The following CSMD1 variants were observed in gnomAD, a reference collection of about 807,000 sequenced individuals.
CSMD1 encodes the protein CUB and Sushi multiple domains 1, also known as CUB and sushi domain-containing protein 1.
CSMD1 carries 213 observed loss-of-function variants against 417.5 expected under a neutral mutation model. The observed-to-expected ratio is 0.51, with a 90% CI of 0.46 to 0.57. The LOEUF (loss-of-function observed/expected upper bound fraction) is 0.57, where lower values mean the gene tolerates loss of function less well. CSMD1 is among the 20% of genes least tolerant of loss of function. The pLI is 0.00. For synonymous variants in CSMD1, 2,862 were observed against 1,736.8 expected, an observed-to-expected ratio of 1.65 and a Z score of -16.11; for missense variants, 6,923 against 4,529.7, an observed-to-expected ratio of 1.53 and a Z score of -15.17.
At chr8:3,781,740 C>T (rs539579689) in intron 5 of CSMD1, among the ~76,000 whole-genome samples, 1 of 152,122 alleles carries the variant, frequency 6.6e-6, no homozygotes, top group South Asian at 2.1e-4. Context: ...AATATTGCCC[C>T]TGACAATCTG....
chr8:4,351,666 G>T (rs964893451), intron 3 of CSMD1, among the ~76,000 whole-genome samples: 5 of 152,178 alleles, frequency 3.3e-5, no homozygotes, highest in Admixed American at 6.6e-5. Flanking sequence ...TCCCAGGCAA[G>T]ATGTCTTCCA....
At chr8:4,385,832 T>C (rs978731990) in intron 3 of CSMD1, among the ~76,000 whole-genome samples, 10 of 152,202 alleles carry the variant, frequency 6.6e-5, no homozygotes, top group African/African-American at 2.2e-4. Flanking sequence ...TTTGTGTTTC[T>C]GGGAAACTGT....
chr8:4,126,511 G>A (rs1034132501), intron 3 of CSMD1, among the ~76,000 whole-genome samples: 1 of 152,172 alleles, frequency 6.6e-6, no homozygotes, highest in Non-Finnish European at 1.5e-5. Context: ...GAAGCAGGAG[G>A]TCTCCCACTG....
chr8:4,579,009 T>A (rs993537214), intron 2 of CSMD1, among the ~76,000 whole-genome samples: 2 of 151,920 alleles, frequency 1.3e-5, no homozygotes, highest in African/African-American at 4.8e-5. Context: ...AAATTGTACA[T>A]AAATGTTTAT....
chr8:3,695,333 T>G (rs1250899026), intron 7 of CSMD1, among the ~76,000 whole-genome samples: 1 of 151,778 alleles, frequency 6.6e-6, no homozygotes, highest in Non-Finnish European at 1.5e-5. Flanking sequence ...ACACTTAATT[T>G]CCTGTAAGAA....
chr8:3,567,834 T>C (rs563192887), intron 10 of CSMD1, among the ~76,000 whole-genome samples: 2 of 152,296 alleles, frequency 1.3e-5, no homozygotes, highest in South Asian at 4.1e-4. Flanking sequence ...TTTGCTGTAT[T>C]AAATGATTCT....
chr8:4,029,828 G>C (rs1464475133), intron 4 of CSMD1, among the ~76,000 whole-genome samples: 3 of 152,156 alleles, frequency 2.0e-5, no homozygotes, highest in South Asian at 2.1e-4. Context: ...ATACAAGCTA[G>C]TTACTTCCTA....
chr8:3,315,504 T>A (rs189615044), intron 23 of CSMD1, among the ~76,000 whole-genome samples: 204 of 151,996 alleles, frequency 1.3e-3, no homozygotes, highest in African/African-American at 4.4e-3. Context: ...TTTTTTAAGC[T>A]ACAGATGCTA....
intron 3 of CSMD1, among the ~76,000 whole-genome samples, chr8:4,280,846 C>A (rs1225058006): frequency 6.6e-6 from 1 of 152,136 alleles, no homozygotes; most frequent in Admixed American, 6.6e-5. Flanking sequence ...ATCTTCATTT[C>A]TTCTACTTCC....
In CSMD1 at chr8:4,329,821, TTA is replaced by T. The variant is rs199748167; in HGVS notation, c.415+90130_415+90131del. ...CCAAGTTCTCATGAGATGTGGTCAA[TTA>T]AAAAAGTGTGTGGCACCACCCTGCT... On this transcript the variant is annotated intron_variant, in intron 3 of 69. Coordinates refer to ENST00000635120, the MANE Select transcript of CSMD1 (RefSeq NM_033225.6). Among the ~76,000 whole-genome samples, 566 of 150,460 alleles carry T rather than the reference TTA, an allele frequency of 3.8e-3. 2 individuals carry two copies. Among genetic ancestry groups the T allele is most frequent in the Middle Eastern group, 0.021 (6 of 290 alleles).
intron 7 of CSMD1, among the ~76,000 whole-genome samples, chr8:3,701,553 G>A (rs1800870838): frequency 6.6e-6 from 1 of 151,640 alleles, no homozygotes; most frequent in Non-Finnish European, 1.5e-5. Flanking sequence ...ATTAAGAGAA[G>A]ATTACCCACT....
intron 3 of CSMD1, among the ~76,000 whole-genome samples, chr8:4,040,412 C>G (rs1163474627): frequency 1.3e-5 from 2 of 152,228 alleles, no homozygotes; most frequent in Non-Finnish European, 2.9e-5. Flanking sequence ...CAAGTAATTT[C>G]CAGGACAGGT....
intron 1 of CSMD1, among the ~76,000 whole-genome samples, chr8:4,948,949 AC>A (rs1299304856): frequency 9.9e-5 from 15 of 152,178 alleles, no homozygotes; most frequent in African/African-American, 3.6e-4. Flanking sequence ...TTTTAGATGT[AC>A]TTTATATAGC....
chr8:3,431,127 G>A (rs1814193861), intron 12 of CSMD1, among the ~76,000 whole-genome samples: 2 of 152,076 alleles, frequency 1.3e-5, no homozygotes, highest in African/African-American at 4.8e-5. Flanking sequence ...AATGAATATG[G>A]TTAAAACACC....
chr8:4,668,336 TA>T (rs998976340), intron 1 of CSMD1, among the ~76,000 whole-genome samples: 3 of 151,788 alleles, frequency 2.0e-5, no homozygotes, highest in African/African-American at 7.2e-5. Flanking sequence ...CTGTCATTGG[TA>T]GGGGTTCTTG....
At chr8:3,435,614 T>G (rs1042792299) in intron 12 of CSMD1, among the ~76,000 whole-genome samples, 3 of 152,140 alleles carry the variant, frequency 2.0e-5, no homozygotes, top group Non-Finnish European at 2.9e-5. Flanking sequence ...CCTAGCGACC[T>G]TGATGACTAT....
intron 3 of CSMD1, among the ~76,000 whole-genome samples, chr8:4,245,969 C>A (rs184348840): frequency 1.5e-3 from 222 of 152,162 alleles, no homozygotes; most frequent in African/African-American, 5.2e-3. Context: ...TCTATCAGGG[C>A]CGTGGACAGG....
chr8:3,219,751 A>G (rs1352718991), intron 28 of CSMD1, among the ~76,000 whole-genome samples: 1 of 152,158 alleles, frequency 6.6e-6, no homozygotes, highest in East Asian at 1.9e-4. Context: ...GTACTCATTA[A>G]TTTGCTAAAT....
chr8:3,520,984 C>G (rs960136812), intron 10 of CSMD1, among the ~76,000 whole-genome samples: 20 of 152,126 alleles, frequency 1.3e-4, no homozygotes, highest in African/African-American at 4.6e-4. Context: ...ATGTGCCCAT[C>G]AAAGTCAAAG....
Sources: gnomAD v4.1 joint callset for allele counts (sites outside exome capture counted in the v4.1 genomes callset) on GRCh38, gnomAD v4.1.1 for gene constraint, MANE v1.5 for transcripts, NCBI Gene and HGNC (gene_info 2026-07-23, HGNC 2026-07-21) for gene names.